NAALADL2: variants seen among roughly 807,000 people sequenced by gnomAD.
NAALADL2 encodes N-acetylated alpha-linked acidic dipeptidase like 2, also known as inactive N-acetylated-alpha-linked acidic dipeptidase-like protein 2.
Under a neutral mutation model 87.2 loss-of-function variants are expected in NAALADL2, and 76 were observed. That is an observed-to-expected ratio of 0.87 (90% CI 0.72 to 1.05). The LOEUF (loss-of-function observed/expected upper bound fraction) is 1.05, where lower values mean the gene tolerates loss of function less well. Ranked by LOEUF, NAALADL2 falls within the 50% of genes least tolerant of loss-of-function variation. The pLI, the probability that NAALADL2 is intolerant of heterozygous loss-of-function variation, is 0.00. For missense variants in NAALADL2, 1,089 were observed against 945.8 expected (o/e 1.15, Z -1.99); for synonymous variants, 354 against 331.0 (o/e 1.07, Z -0.75).
chr3:174,924,774 T>A (rs1735745286), intron 1 of NAALADL2, among the ~76,000 whole-genome samples: 1 of 152,190 alleles, frequency 6.6e-6, no homozygotes, highest in Admixed American at 6.5e-5. Context: ...TGAGATGGTA[T>A]CTCATTGTGG....
intron 5 of NAALADL2, among the ~76,000 whole-genome samples, chr3:175,424,166 A>G (rs1716375931): frequency 6.6e-6 from 1 of 152,126 alleles, no homozygotes. Flanking sequence ...TCTGGATATT[A>G]GCCCTTTGTC....
At chr3:175,303,742 AT>A (rs1757362264) in intron 4 of NAALADL2, among the ~76,000 whole-genome samples, 1 of 152,302 alleles carries the variant, frequency 6.6e-6, no homozygotes, top group South Asian at 2.1e-4. Context: ...TGATTCTCAT[AT>A]TTTTCACAGG....
At chr3:174,668,943 G>A (rs1172914343) in intron 2 of NAALADL2, among the ~76,000 whole-genome samples, 3 of 152,154 alleles carry the variant, frequency 2.0e-5, no homozygotes, top group African/African-American at 4.8e-5. Flanking sequence ...CCAGTAATGG[G>A]ATGGCTGAGT....
chr3:175,465,472 TC>T lies in NAALADL2; in HGVS notation c.1328-1506del, dbSNP rs1453870187. On this transcript the variant is annotated intron_variant, in intron 7 of 13. Coordinates refer to ENST00000454872, the MANE Select transcript of NAALADL2 (RefSeq NM_207015.3). ...CACACTATGTATACCATGAATTAAA[TC>T]TTTTTTTTTTTTTTTTTTTGAGATG... 6.2e-5 allele frequency among the ~76,000 whole-genome samples: 8 copies of T among 128,792 alleles called. No individual in the cohort carries two copies. The Admixed American group carries it at 6.5e-4, about 10-fold the overall frequency. The allele number at this position is 128,792 out of a possible 152,430, so 84.5% of individuals were successfully genotyped here.
chr3:175,571,382 T>C (rs1198854994), intron 9 of NAALADL2, among the ~76,000 whole-genome samples: 1 of 152,196 alleles, frequency 6.6e-6, no homozygotes, highest in African/African-American at 2.4e-5. Flanking sequence ...CATTTTGAAC[T>C]CCTTGGATGA....
At chr3:174,560,201 T>C (rs541044404) in intron 2 of NAALADL2, among the ~76,000 whole-genome samples, 3 of 152,334 alleles carry the variant, frequency 2.0e-5, no homozygotes, top group African/African-American at 7.2e-5. Flanking sequence ...GATACTTACC[T>C]TTTGATTTTT....
At chr3:174,889,877 A>G (rs1458844250) in intron 1 of NAALADL2, among the ~76,000 whole-genome samples, 1 of 152,216 alleles carries the variant, frequency 6.6e-6, no homozygotes, top group East Asian at 1.9e-4. Context: ...GCAACTGTGA[A>G]ATAAGTTTCT....
rs563664426 is a variant in NAALADL2, at chr3:174,476,048, C to T, written c.-184+35016C>T. Among the ~76,000 whole-genome samples, 5 of 152,076 alleles carry T rather than the reference C, an allele frequency of 3.3e-5. 1 individual carries two copies. Among genetic ancestry groups the T allele is most frequent in the South Asian group, 2.1e-4 (1 of 4,822 alleles). On this transcript the variant is annotated intron_variant, in intron 1 of 3. Transcript: ENST00000434257. ...ATTAATGCATTTTATTCAAACTTTA[C>T]ATTCTAAACACAACTTAAAATGTTG...
At chr3:174,619,404 T>G (rs1720784709) in intron 2 of NAALADL2, among the ~76,000 whole-genome samples, 1 of 151,932 alleles carries the variant, frequency 6.6e-6, no homozygotes, top group African/African-American at 2.4e-5. Context: ...TCTTCCATGC[T>G]GAGATCCTCT....
intron 3 of NAALADL2, among the ~76,000 whole-genome samples, chr3:174,815,484 G>A (rs1720682693): frequency 6.6e-6 from 1 of 152,120 alleles, no homozygotes; most frequent in African/African-American, 2.4e-5. Flanking sequence ...GAGTGCAGTG[G>A]CACAATCTTA....
chr3:175,134,088 A>T (rs981730414), intron 2 of NAALADL2, among the ~76,000 whole-genome samples: 1 of 152,114 alleles, frequency 6.6e-6, no homozygotes, highest in Non-Finnish European at 1.5e-5. Flanking sequence ...ACACACACAC[A>T]TTTGCAGTGA....
At chr3:174,525,249 A>G (rs1207063572) in intron 1 of NAALADL2, among the ~76,000 whole-genome samples, 1 of 152,232 alleles carries the variant, frequency 6.6e-6, no homozygotes, top group African/African-American at 2.4e-5. Flanking sequence ...GTGCTAGTCC[A>G]TTCTTGTGTC....
intron 4 of NAALADL2, among the ~76,000 whole-genome samples, chr3:175,281,161 A>T (rs1404632444): frequency 6.6e-6 from 1 of 151,256 alleles, no homozygotes; most frequent in East Asian, 1.9e-4. Context: ...TCACTTATTT[A>T]AATTAACTCA....
At chr3:174,594,548 C>G (rs1375967478) in intron 2 of NAALADL2, among the ~76,000 whole-genome samples, 1 of 152,098 alleles carries the variant, frequency 6.6e-6, no homozygotes, top group Admixed American at 6.5e-5. Flanking sequence ...TATCCAGTGC[C>G]CAATTTTCCT....
chr3:174,886,893 C>G (rs1255079228), intron 1 of NAALADL2, among the ~76,000 whole-genome samples: 2 of 152,274 alleles, frequency 1.3e-5, no homozygotes, highest in East Asian at 3.9e-4. Flanking sequence ...TTGGCCATGT[C>G]TTTAAAAAGT....
intron 5 of NAALADL2, among the ~76,000 whole-genome samples, chr3:175,395,355 A>G (rs543660035): frequency 6.6e-6 from 1 of 152,314 alleles, no homozygotes; most frequent in South Asian, 2.1e-4. Context: ...AATCTGAGGA[A>G]AACTAAACTA....
chr3:174,784,900 T>A (rs1344494763), intron 3 of NAALADL2, among the ~76,000 whole-genome samples: 1 of 152,238 alleles, frequency 6.6e-6, no homozygotes, highest in Admixed American at 6.5e-5. Context: ...CTGTCTGGAA[T>A]ATTTCATTTA....
chr3:175,778,773 G>GGA (rs1750614261), intron 13 of NAALADL2, among the ~76,000 whole-genome samples: 1 of 152,132 alleles, frequency 6.6e-6, no homozygotes. Flanking sequence ...TCTAGATCAT[G>GGA]GAGAGAGAGA....
At chr3:175,570,386 C>T (rs1364792353) in intron 9 of NAALADL2, among the ~76,000 whole-genome samples, 2 of 152,190 alleles carry the variant, frequency 1.3e-5, no homozygotes, top group African/African-American at 2.4e-5. Context: ...GACCAAATAT[C>T]TGGGCATCCC....
Sources: allele counts gnomAD v4.1 joint callset (sites outside exome capture counted in the v4.1 genomes callset), GRCh38; gene constraint gnomAD v4.1.1; transcripts MANE v1.5; gene names NCBI Gene and HGNC (gene_info 2026-07-23, HGNC 2026-07-21).